Variants in AKR1B1 observed in about 807,000 individuals in gnomAD.
AKR1B1 encodes the protein aldo-keto reductase family 1 member B.
AKR1B1 carries 22 observed loss-of-function variants against 40.4 expected under a neutral mutation model. The ratio of observed to expected loss-of-function variants is 0.54; its 90% CI spans 0.39 to 0.78. The LOEUF (loss-of-function observed/expected upper bound fraction) is 0.78, where lower values mean the gene tolerates loss of function less well. Ranked by LOEUF, AKR1B1 falls within the 30% of genes least tolerant of loss-of-function variation. AKR1B1 has a pLI of 0.00. For missense variants in AKR1B1, 357 were observed against 396.7 expected (o/e 0.90, Z 0.85); for synonymous variants, 157 against 149.9 (o/e 1.05, Z -0.35).
At chr7:134,448,884 ACCCAGGAGCTGCCT>A in intron 5 of AKR1B1, 99 bp downstream of exon 5, 1 of 1,303,054 alleles carries the variant, frequency 7.7e-7, no homozygotes, top group South Asian at 1.2e-5. Context: ...CTCTGCCAAC[ACCCAGGAGCTGCCT>A]CCTGGCCACT....
chr7:134,450,665 G>C, intron 3 of AKR1B1, 121 bp downstream of exon 3: 1 of 814,548 alleles, frequency 1.2e-6, no homozygotes, highest in South Asian at 1.3e-5. Flanking sequence ...TGGTCCACTG[G>C]CTATACCTTG....
rs564126166 is a variant in AKR1B1 at position 134,451,837 on chromosome 7, C to T, written c.67-84G>A. On this transcript the variant is annotated intron_variant, in intron 1 of 9. Transcript: ENST00000285930. The stretch of plus-strand genomic sequence containing the variant: ...GGGCAGTGGCAGCCACCGATACCTG[C>T]TGACCAGCCTGCCACTTTGTTCAGC... The T allele has an allele frequency of 2.8e-3, 3,966 of 1,431,960 alleles. 36 individuals are homozygous for T. The highest frequency in any genetic ancestry group is 0.017 in the South Asian group (1,391 of 82,816). The allele number at this position is 1,431,960 out of a possible 1,614,324, so 88.7% of individuals were successfully genotyped here.
chr7:134,447,579 G>A (rs557905336), intron 7 of AKR1B1, 198 bp from the exon 8 acceptor site: 18 of 662,594 alleles, frequency 2.7e-5, no homozygotes, highest in South Asian at 8.6e-5. Context: ...AGAGTCCTGC[G>A]CTAGCCACTG....
chr7:134,449,382 C>T lies in AKR1B1; in HGVS notation c.430-263G>A, dbSNP rs1044218256. The T allele has an allele frequency of 6.5e-4, 371 of 568,992 alleles. 2 individuals are homozygous for T. The highest frequency in any genetic ancestry group is 6.5e-4 in the Non-Finnish European group (205 of 317,762). The allele number at this position is 568,992 out of a possible 1,614,324, so 35.2% of individuals were successfully genotyped here. On this transcript the variant is annotated intron_variant, in intron 4 of 9. Transcript: ENST00000285930. ...CGGGCGGATCACGAGGTCAGGAGAT[C>T]AAGACCATCCTGGCTAACACGGTGA...
chr7:134,451,444 G>A, intron 2 of AKR1B1, 142 bp downstream of exon 2: 1 of 1,033,326 alleles, frequency 9.7e-7, no homozygotes, highest in Non-Finnish European at 1.5e-6. Flanking sequence ...AGCCCTGTAT[G>A]GCCGTGGGTG....
intron 1 of AKR1B1, among the ~76,000 whole-genome samples, chr7:134,458,696 C>T (rs1562912493): frequency 1.3e-5 from 2 of 152,168 alleles, no homozygotes; most frequent in Non-Finnish European, 2.9e-5. Flanking sequence ...ACCCAAAATG[C>T]GGACTGGTGG....
chr7:134,455,349 C>G (rs1291133975), intron 1 of AKR1B1, among the ~76,000 whole-genome samples: 1 of 152,120 alleles, frequency 6.6e-6, no homozygotes, highest in Non-Finnish European at 1.5e-5. Context: ...TCTCACAAGG[C>G]TCCTAGGTGG....
At chr7:134,458,675 C>A (rs1274012122) in intron 1 of AKR1B1, among the ~76,000 whole-genome samples, 1 of 152,176 alleles carries the variant, frequency 6.6e-6, no homozygotes, top group African/African-American at 2.4e-5. Flanking sequence ...CCGCTTGGGG[C>A]GCCCGCTAGG....
chr7:134,458,669 T>C (rs1301264402), intron 1 of AKR1B1, among the ~76,000 whole-genome samples: 1 of 152,116 alleles, frequency 6.6e-6, no homozygotes, highest in South Asian at 2.1e-4. Flanking sequence ...GTTGTGCCGC[T>C]TGGGGCGCCC....
intron 9 of AKR1B1, among the ~76,000 whole-genome samples, chr7:134,443,239 C>T (rs1805994004): frequency 6.6e-6 from 1 of 152,158 alleles, no homozygotes; most frequent in South Asian, 2.1e-4. Context: ...GCAAGATTTC[C>T]ATCTTAATAA....
At chr7:134,453,963 C>A (rs1806382692) in intron 1 of AKR1B1, among the ~76,000 whole-genome samples, 1 of 152,138 alleles carries the variant, frequency 6.6e-6, no homozygotes, top group Non-Finnish European at 1.5e-5. Context: ...GACAACATCT[C>A]CCCATTCCAT....
At chr7:134,453,617 C>T (rs2852164) in intron 1 of AKR1B1, among the ~76,000 whole-genome samples, 1 of 151,828 alleles carries the variant, frequency 6.6e-6, no homozygotes, top group Non-Finnish European at 1.5e-5. Context: ...ATCAAGCTTG[C>T]GTTGGCACGA....
chr7:134,451,604 C>A lies in AKR1B1; in HGVS notation c.216G>T (p.Glu72Asp), dbSNP rs11544686. The part of the protein sequence containing the change: ...KLREQVVKRE[E>D]LFIVSKLWCT... ...ACGATACCTTGCTGACGATGAAGAG[C>A]TCCTCACGCTTCACCACCTGCTCCC... The change falls in exon 2 of 10, where the codon GAG becomes GAT. Residue 72 changes from glutamate to aspartate, a missense_variant. Glu to Asp is a conservative substitution (Grantham distance 45). Coordinates refer to ENST00000285930, the MANE Select transcript of AKR1B1 (RefSeq NM_001628.4). 6.2e-7 allele frequency: 1 copy of A among 1,613,994 alleles called. No homozygotes were observed. The highest frequency in any genetic ancestry group is 8.5e-7 in the Non-Finnish European group (1 of 1,180,032).
intron 7 of AKR1B1, 21 bp from the exon 8 acceptor site, chr7:134,447,402 T>G: frequency 6.2e-7 from 1 of 1,607,182 alleles, no homozygotes; most frequent in Non-Finnish European, 8.5e-7. Flanking sequence ...AAGGAGACAG[T>G]GAGTGTGTAT....
At position 134,450,774 on chromosome 7, in the gene AKR1B1, G is replaced by A. The variant is rs1232305466; in HGVS notation, c.351+12C>T. ...GCCCCAAGGGACCTGGTCTGCACCAGGCATCCCATACCTTAAAGCCAGTCG... is the reference window on the plus strand; with the variant it reads ...GCCCCAAGGGACCTGGTCTGCACCAAGCATCCCATACCTTAAAGCCAGTCG... On this transcript the variant is annotated intron_variant, in intron 3 of 9. Transcript: ENST00000285930. 1.2e-6 allele frequency: 2 copies of A among 1,608,928 alleles called. No homozygotes were observed. Among genetic ancestry groups the A allele is most frequent in the South Asian group, 1.1e-5 (1 of 90,952 alleles).
intron 1 of AKR1B1, among the ~76,000 whole-genome samples, chr7:134,458,498 G>A (rs1806560009): frequency 6.6e-6 from 1 of 152,136 alleles, no homozygotes; most frequent in Non-Finnish European, 1.5e-5. Context: ...GAATCGAAAC[G>A]ATTGAGACCA....
intron 3 of AKR1B1, among the ~76,000 whole-genome samples, 173 bp from the exon 4 acceptor site, chr7:134,449,970 G>T (rs1411111445): frequency 6.6e-6 from 1 of 152,196 alleles, no homozygotes; most frequent in African/African-American, 2.4e-5. Context: ...TTTATCAAAC[G>T]GGCTGGAGCT....
At chr7:134,447,240 G>C (rs1443336628) in intron 8 of AKR1B1, 58 bp downstream of exon 8, 1 of 1,402,106 alleles carries the variant, frequency 7.1e-7, no homozygotes, top group Non-Finnish European at 1.0e-6. Context: ...AGGATGAGAG[G>C]CCTCCCCCAT....
At chr7:134,456,101 G>A (rs1202866469) in intron 1 of AKR1B1, among the ~76,000 whole-genome samples, 1 of 152,226 alleles carries the variant, frequency 6.6e-6, no homozygotes, top group Admixed American at 6.5e-5. Context: ...GCACCTGCCT[G>A]CAGGGCCTCC....
Sources: gnomAD v4.1 joint callset for allele counts (sites outside exome capture counted in the v4.1 genomes callset) on GRCh38, gnomAD v4.1.1 for gene constraint, MANE v1.5 for transcripts, NCBI Gene and HGNC (gene_info 2026-07-23, HGNC 2026-07-21) for gene names.